MYO1D: variants seen among roughly 807,000 people sequenced by gnomAD.
MYO1D encodes unconventional myosin-Id.
A neutral mutation model predicts 122.0 loss-of-function variants in MYO1D; 83 were observed. That is an observed-to-expected ratio of 0.68 (90% CI 0.57 to 0.82). The LOEUF is 0.82. MYO1D is among the 40% of genes least tolerant of loss of function. The pLI, the probability that MYO1D is intolerant of heterozygous loss-of-function variation, is 0.00. For synonymous variants in MYO1D, 464 were observed against 446.9 expected (o/e 1.04, Z -0.48); for missense variants, 1,157 against 1,269.5 (o/e 0.91, Z 1.35).
At chr17:32,515,344 C>T (rs1288958405) in intron 21 of MYO1D, among the ~76,000 whole-genome samples, 3 of 152,190 alleles carry the variant, frequency 2.0e-5, no homozygotes, top group South Asian at 4.1e-4. Context: ...CATAGAGTCT[C>T]GCCCAGTCCC....
intron 4 of MYO1D, among the ~76,000 whole-genome samples, chr17:32,773,802 C>T (rs2090147079): frequency 6.6e-6 from 1 of 152,138 alleles, no homozygotes; most frequent in Non-Finnish European, 1.5e-5. Flanking sequence ...AAGGTCTAGA[C>T]AATTATTGTC....
At chr17:32,696,637 G>C (rs1296858400) in intron 16 of MYO1D, among the ~76,000 whole-genome samples, 1 of 152,176 alleles carries the variant, frequency 6.6e-6, no homozygotes, top group Admixed American at 6.5e-5. Flanking sequence ...GTTATTCTAA[G>C]TTTAATTCTG....
rs557151335 is a variant in MYO1D, at chr17:32,510,258, C to T, written c.2865-15343G>A. 5.3e-4 allele frequency: 81 copies of T among 152,342 alleles called. 1 individual carries two copies. Among genetic ancestry groups the T allele is most frequent in the African/African-American group, 1.7e-3 (69 of 41,566 alleles). The allele number at this position is 152,342 out of a possible 1,614,324, so 9.4% of individuals were successfully genotyped here. A position where few individuals can be genotyped will look rare whatever the true frequency, so the allele number is the denominator to read the frequency against. On this transcript the variant is annotated intron_variant, in intron 21 of 21. Transcript: ENST00000318217. ...AGCATAGCCTCTGCAGCATGGAATT[C>T]TTTAATACCAGGTGCTTCTGAGTCA... is the stretch of plus-strand genomic sequence containing the variant.
At chr17:32,707,045 A>G (rs1270592685) in intron 16 of MYO1D, among the ~76,000 whole-genome samples, 2 of 152,166 alleles carry the variant, frequency 1.3e-5, no homozygotes, top group Non-Finnish European at 2.9e-5. Flanking sequence ...TATGAAGAAA[A>G]AGACAAATTT....
intron 16 of MYO1D, among the ~76,000 whole-genome samples, chr17:32,688,580 T>C (rs1318159412): frequency 6.6e-6 from 1 of 152,174 alleles, no homozygotes; most frequent in Non-Finnish European, 1.5e-5. Flanking sequence ...GCAAACAGTA[T>C]GTGTAAAAGT....
In MYO1D at chr17:32,694,467, C is replaced by T. The variant is rs183431797; in HGVS notation, c.2121+17521G>A. On this transcript the variant is annotated intron_variant, in intron 16 of 21. Transcript: ENST00000318217. ...CTGTAATCCCAGCACTTTGGGAGGT[C>T]GAGGCGGGTGGATCATGAGGTCAGG... 8.9e-4 allele frequency among the ~76,000 whole-genome samples: 135 copies of T among 152,056 alleles called. 4 individuals are homozygous for T. In the East Asian group the frequency reaches 0.024, roughly 27 times the overall value.
intron 20 of MYO1D, among the ~76,000 whole-genome samples, chr17:32,636,009 A>G (rs921134293): frequency 2.6e-5 from 4 of 152,186 alleles, no homozygotes; most frequent in Admixed American, 2.6e-4. Context: ...AGAGATGAGA[A>G]AATGGAGGTC....
At chr17:32,505,125 C>A (rs552891740) in intron 21 of MYO1D, 1 of 152,410 alleles carries the variant, frequency 6.6e-6, no homozygotes. Context: ...TCAGAGAGAT[C>A]TTTTAAGGGC....
chr17:32,719,569 C>T (rs1166918034), intron 15 of MYO1D, among the ~76,000 whole-genome samples: 1 of 152,034 alleles, frequency 6.6e-6, no homozygotes, highest in East Asian at 1.9e-4. Context: ...CCAGGATGGT[C>T]TAGATCTCCT....
intron 19 of MYO1D, 98 bp from the exon 20 acceptor site, chr17:32,638,933 T>C (rs2088148352): frequency 1.3e-6 from 1 of 772,260 alleles, no homozygotes; most frequent in Non-Finnish European, 2.3e-6. Context: ...GTGAACCATG[T>C]ATGGCCACTC....
chr17:32,511,735 T>C (rs1390457623), intron 21 of MYO1D, among the ~76,000 whole-genome samples: 1 of 152,114 alleles, frequency 6.6e-6, no homozygotes, highest in African/African-American at 2.4e-5. Context: ...TCTATTCACA[T>C]CATTAATGAA....
intron 6 of MYO1D, among the ~76,000 whole-genome samples, chr17:32,770,828 T>C (rs1339897826): frequency 6.6e-6 from 1 of 152,148 alleles, no homozygotes; most frequent in Non-Finnish European, 1.5e-5. Context: ...ATCAATATTT[T>C]TATAGTGTGA....
At chr17:32,536,563 TC>T (rs1171825401) in intron 21 of MYO1D, among the ~76,000 whole-genome samples, 1 of 152,174 alleles carries the variant, frequency 6.6e-6, no homozygotes, top group Non-Finnish European at 1.5e-5. Context: ...GAGTTATAGA[TC>T]TTATGTGCTG....
chr17:32,495,350 C>T (rs941652059), intron 21 of MYO1D, among the ~76,000 whole-genome samples: 1 of 152,238 alleles, frequency 6.6e-6, no homozygotes, highest in South Asian at 2.1e-4. Context: ...CTGGTCCCTG[C>T]CTGTCACACC....
intron 20 of MYO1D, 29 bp downstream of exon 20, chr17:32,638,693 T>C (rs751867144): frequency 6.6e-7 from 1 of 1,504,006 alleles, no homozygotes; most frequent in Non-Finnish European, 9.2e-7. Context: ...TTAAGAATCT[T>C]TATCCAGAGA....
chr17:32,746,614 A>G (rs1214285875), intron 12 of MYO1D, among the ~76,000 whole-genome samples: 1 of 152,220 alleles, frequency 6.6e-6, no homozygotes, highest in African/African-American at 2.4e-5. Flanking sequence ...ATACAACCAT[A>G]CATATATGTA....
chr17:32,685,016 T>C (rs1397459883), intron 16 of MYO1D, among the ~76,000 whole-genome samples: 4 of 152,002 alleles, frequency 2.6e-5, no homozygotes, highest in Admixed American at 1.3e-4. Context: ...TCTTTATCAT[T>C]TTTTTTTGGA....
chr17:32,636,191 C>T (rs140996637), intron 20 of MYO1D, among the ~76,000 whole-genome samples: 1 of 152,146 alleles, frequency 6.6e-6, no homozygotes, highest in African/African-American at 2.4e-5. Flanking sequence ...TTCTTTCCCA[C>T]TCTATACCAT....
intron 20 of MYO1D, among the ~76,000 whole-genome samples, chr17:32,624,859 T>A (rs983809655): frequency 6.6e-6 from 1 of 151,924 alleles, no homozygotes; most frequent in African/African-American, 2.4e-5. Flanking sequence ...GGCGCGATCT[T>A]GGCTCACTGC....
Sources: gnomAD v4.1 joint callset for allele counts (sites outside exome capture counted in the v4.1 genomes callset) on GRCh38, gnomAD v4.1.1 for gene constraint, MANE v1.5 for transcripts, NCBI Gene and HGNC (gene_info 2026-07-23, HGNC 2026-07-21) for gene names.